The following RRM2 variants were observed in gnomAD, a reference collection of about 807,000 sequenced individuals.
RRM2 encodes ribonucleotide reductase regulatory subunit M2.
In RRM2, 6 loss-of-function variants were observed where a neutral mutation model predicts 45.9. The observed-to-expected ratio is 0.13, with a 90% CI of 0.07 to 0.26. The LOEUF (loss-of-function observed/expected upper bound fraction) is 0.26, where lower values mean the gene tolerates loss of function less well. Ranked by LOEUF, RRM2 falls within the 10% of genes least tolerant of loss-of-function variation. The pLI, the probability that RRM2 is intolerant of heterozygous loss-of-function variation, is 1.00. For synonymous variants in RRM2, 177 were observed against 173.0 expected (o/e 1.02, Z -0.18); for missense variants, 343 against 489.5 (o/e 0.70, Z 2.82).
At chr2:10,122,724 A>G (rs752527099), upstream of RRM2, 1 of 1,551,480 alleles carries the variant, frequency 6.4e-7, no homozygotes. Flanking sequence ...AGGCTGCTGG[A>G]GTGAGGGGTC....
chr2:10,199,231 A>G (rs1172549188), intron 3 of RRM2: 4 of 136,274 alleles, frequency 2.9e-5, no homozygotes, highest in African/African-American at 1.1e-4. Flanking sequence ...TTTTCAGCTC[A>G]CAGGGCTTCA....
At chr2:10,194,044 T>C (rs1225293551) in intron 3 of RRM2, among the ~76,000 whole-genome samples, 1 of 152,238 alleles carries the variant, frequency 6.6e-6, no homozygotes, top group Middle Eastern at 3.2e-3. Context: ...ATGAAAGTCA[T>C]TTCAGAAGCT....
At position 10,123,679 on chromosome 2, in the gene RRM2, G is replaced by A. The variant is rs1321234416; in HGVS notation, c.319-57G>A. ...CTTAAAGTTTGAGTGCTCAGTGTGAGTCCTGTAGGCTTTACTCTCTTCCTT... is the reference window on the plus strand; with the variant it reads ...CTTAAAGTTTGAGTGCTCAGTGTGAATCCTGTAGGCTTTACTCTCTTCCTT... On this transcript the variant is annotated intron_variant, in intron 3 of 9. Coordinates refer to ENST00000304567, the MANE Select transcript of RRM2 (RefSeq NM_001034.4). The A allele has an allele frequency of 5.7e-6, 8 of 1,401,510 alleles. No individual in the cohort carries two copies. The Admixed American group carries it at 1.1e-4, about 19-fold the overall frequency. The allele number at this position is 1,401,510 out of a possible 1,614,324, so 86.8% of individuals were successfully genotyped here. A position where few individuals can be genotyped will look rare whatever the true frequency, so the allele number is the denominator to read the frequency against.
chr2:10,127,376 C>T lies in RRM2; in HGVS notation c.798+156C>T. On this transcript the variant is annotated intron_variant, in intron 7 of 9. Transcript: ENST00000304567. This position sits in a 1 kb window ranked among gnomAD's most constrained non-coding sequence, Gnocchi z 4.1. ...ACATACTTGACAAAAGAAGGAAATA[C>T]TTTCATTTACTGAAACTGTTTTACT... 1.4e-6 allele frequency: 1 copy of T among 692,738 alleles called. No homozygotes were observed. Among genetic ancestry groups the T allele is most frequent in the South Asian group, 2.0e-5 (1 of 49,746 alleles). The allele number at this position is 692,738 out of a possible 1,614,324, so 42.9% of individuals were successfully genotyped here.
chr2:10,139,932 AG>A (rs1663050687), upstream of RRM2, among the ~76,000 whole-genome samples: 1 of 152,188 alleles, frequency 6.6e-6, no homozygotes, highest in Admixed American at 6.5e-5. Context: ...TATACATACC[AG>A]GAGCTAGGAA....
chr2:10,174,356 G>C (rs1276770762), intron 3 of RRM2, among the ~76,000 whole-genome samples: 1 of 152,186 alleles, frequency 6.6e-6, no homozygotes. Context: ...TGGCCCTGCT[G>C]TCAGCAGAGG....
chr2:10,144,452 TG>T (rs1663149094), intron 3 of RRM2, among the ~76,000 whole-genome samples: 1 of 152,240 alleles, frequency 6.6e-6, no homozygotes, highest in South Asian at 2.1e-4. Context: ...TAGAGATTTC[TG>T]GGGCCTCGGG....
intron 3 of RRM2, among the ~76,000 whole-genome samples, chr2:10,166,864 T>C (rs1663693526): frequency 6.6e-6 from 1 of 152,212 alleles, no homozygotes; most frequent in Non-Finnish European, 1.5e-5. Context: ...TCATGGTCTC[T>C]CTCTCAGAGC....
chr2:10,122,722 G>A (rs1241846449), upstream of RRM2: 10 of 1,551,350 alleles, frequency 6.4e-6, no homozygotes, highest in Non-Finnish European at 8.7e-6. Flanking sequence ...AAAGGCTGCT[G>A]GAGTGAGGGG....
In RRM2 at chr2:10,172,888, G is replaced by A. The variant is rs939187557; in HGVS notation, n.482+30513G>A. Among the ~76,000 whole-genome samples, 2 of 152,214 alleles carry A rather than the reference G, an allele frequency of 1.3e-5. No individual in the cohort carries two copies. The highest frequency in any genetic ancestry group is 2.9e-5 in the Non-Finnish European group (2 of 68,032). Reference sequence around the variant, plus strand: ...ACCACACGGATCCCATACCGGTGATGCCAACCCCCTGAGTCCCGGGGAACA... The same window carrying A: ...ACCACACGGATCCCATACCGGTGATACCAACCCCCTGAGTCCCGGGGAACA... On this transcript the variant is annotated intron_variant and non_coding_transcript_variant, in intron 3 of 3. Coordinates refer to the RRM2 transcript ENST00000381786. The surrounding 1 kb of genome is among the most constrained non-coding windows in gnomAD (Gnocchi z 4.9).
chr2:10,180,461 C>T (rs1440978182), intron 3 of RRM2, among the ~76,000 whole-genome samples: 1 of 152,178 alleles, frequency 6.6e-6, no homozygotes, highest in South Asian at 2.1e-4. Context: ...TGCATGAAGG[C>T]TGCGGGCCAG....
intron 3 of RRM2, among the ~76,000 whole-genome samples, chr2:10,176,976 T>G (rs1443892551): frequency 6.6e-6 from 1 of 152,242 alleles, no homozygotes; most frequent in African/African-American, 2.4e-5. Flanking sequence ...CCGGGTACAG[T>G]GGCTCATGCC....
chr2:10,148,134 ACC>A (rs1663229543), intron 3 of RRM2, among the ~76,000 whole-genome samples: 1 of 127,952 alleles, frequency 7.8e-6, no homozygotes, highest in African/African-American at 3.0e-5. Flanking sequence ...ACAGAGTGAG[ACC>A]CTGACTCAAA....
In RRM2 at chr2:10,123,738, G is replaced by A. The variant is rs752296530; in HGVS notation, c.321G>A (p.Val107=). The A allele has an allele frequency of 1.2e-5, 19 of 1,582,926 alleles. No individual in the cohort carries two copies. Among genetic ancestry groups the A allele is most frequent in the Non-Finnish European group, 1.6e-5 (18 of 1,152,162 alleles). The change falls in exon 4 of 10, where the codon GTG becomes GTA. Residue 107 remains valine, a splice_region_variant and synonymous_variant. Coordinates refer to ENST00000304567, the MANE Select transcript of RRM2 (RefSeq NM_001034.4). ...AEASFWTAEE[V]DLSKDIQHWE... Reference sequence around the variant, plus strand: ...AAATTGTGACTTCCGAACCTCAGGTGGACCTCTCCAAGGACATTCAGCACT... The same window carrying A: ...AAATTGTGACTTCCGAACCTCAGGTAGACCTCTCCAAGGACATTCAGCACT...
Position 10,162,674 on chromosome 2 carries a change from C to T in RRM2, n.482+20299C>T, listed in dbSNP as rs1368289981. 2.7e-5 allele frequency among the ~76,000 whole-genome samples: 3 copies of T among 111,642 alleles called. No individual in the cohort carries two copies. In the South Asian group the frequency reaches 1.4e-3, roughly 53 times the overall value. 73.2% of individuals were successfully genotyped at this position (111,642 alleles called of 152,430 possible). Reference sequence around the variant, plus strand: ...CCAGGAAGACATCAGCCACCTGCACCCCCCCGCCGCCCCCCACCCCCCTGC... The same window carrying T: ...CCAGGAAGACATCAGCCACCTGCACTCCCCCGCCGCCCCCCACCCCCCTGC... On this transcript the variant is annotated intron_variant and non_coding_transcript_variant, in intron 3 of 3. Coordinates refer to the RRM2 transcript ENST00000381786.
intron 3 of RRM2, among the ~76,000 whole-genome samples, chr2:10,161,892 C>T (rs1352182542): frequency 6.6e-6 from 1 of 152,226 alleles, no homozygotes; most frequent in Non-Finnish European, 1.5e-5. Context: ...GACTTGGAAG[C>T]CCAGTGAGGC....
At chr2:10,133,703 ATTTTTT>A (rs33987822), downstream of RRM2, among the ~76,000 whole-genome samples, 1 of 133,248 alleles carries the variant, frequency 7.5e-6, no homozygotes, top group African/African-American at 2.8e-5. Context: ...TGACATCAGG[ATTTTTT>A]TTTTTTTTTT....
chr2:10,208,860 C>T lies in RRM2; in HGVS notation n.483-1451C>T, dbSNP rs7605728. On this transcript the variant is annotated intron_variant and non_coding_transcript_variant, in intron 3 of 3. Coordinates refer to the RRM2 transcript ENST00000381786. Reference sequence around the variant, plus strand: ...CTCACGTATCACCCTGGATGCCCTCCGCAGCCCCTCACCCATCCAACAGAT... The same window carrying T: ...CTCACGTATCACCCTGGATGCCCTCTGCAGCCCCTCACCCATCCAACAGAT... Among the ~76,000 whole-genome samples the T allele has an allele frequency of 7.5e-3, 1,140 of 152,054 alleles. 20 individuals are homozygous for T. Among genetic ancestry groups the T allele is most frequent in the African/African-American group, 0.025 (1,034 of 41,446 alleles).
chr2:10,131,057 G>A lies in RRM2; in HGVS notation c.*1671G>A, dbSNP rs1350428304. ...TGTTAATTGTATTCAGTATTTGAAC[G>A]TCGTCCTGTTTATTGTTAGTTTTCT... On this transcript the variant is annotated 3_prime_UTR_variant, in exon 10 of 10. Coordinates refer to ENST00000304567, the MANE Select transcript of RRM2 (RefSeq NM_001034.4). The A allele has an allele frequency of 6.6e-6, 1 of 152,124 alleles. No individual in the cohort carries two copies. The highest frequency in any genetic ancestry group is 2.4e-5 in the African/African-American group (1 of 41,420). The allele number at this position is 152,124 out of a possible 1,614,324, so 9.4% of individuals were successfully genotyped here. A position where few individuals can be genotyped will look rare whatever the true frequency, so the allele number is the denominator to read the frequency against.
Sources: gnomAD v4.1 joint callset for allele counts (sites outside exome capture counted in the v4.1 genomes callset) on GRCh38, gnomAD v4.1.1 for gene constraint, Gnocchi (gnomAD v3.1) non-coding constraint, MANE v1.5 for transcripts, NCBI Gene and HGNC (gene_info 2026-07-23, HGNC 2026-07-21) for gene names.